The following CDH18 variants were observed in gnomAD, a reference collection of about 807,000 sequenced individuals.
The protein encoded by CDH18 is cadherin-18.
A neutral mutation model predicts 67.9 loss-of-function variants in CDH18; 31 were observed. The observed-to-expected ratio is 0.46, with a 90% confidence interval of 0.34 to 0.62. The LOEUF is 0.62. Ranked by LOEUF, CDH18 falls within the 20% of genes least tolerant of loss-of-function variation. CDH18 has a pLI of 0.01. For synonymous variants in CDH18, 362 were observed against 347.2 expected (o/e 1.04, Z -0.48); for missense variants, 890 against 975.5 (o/e 0.91, Z 1.17).
At chr5:20,029,669 G>A (rs1357321847) in intron 2 of CDH18, among the ~76,000 whole-genome samples, 1 of 152,146 alleles carries the variant, frequency 6.6e-6, no homozygotes, top group African/African-American at 2.4e-5. Context: ...ACAGAATAGT[G>A]AATTTTAAAG....
At chr5:20,154,687 T>C (rs1378759761) in intron 2 of CDH18, among the ~76,000 whole-genome samples, 1 of 152,148 alleles carries the variant, frequency 6.6e-6, no homozygotes, top group Admixed American at 6.5e-5. Context: ...CCAGCTTTTA[T>C]TTCCCCTAAT....
intron 2 of CDH18, among the ~76,000 whole-genome samples, chr5:19,962,914 T>G (rs1198049395): frequency 6.6e-6 from 1 of 152,140 alleles, no homozygotes; most frequent in Non-Finnish European, 1.5e-5. Context: ...GGAAAGACAT[T>G]ATTGAGCTTG....
At chr5:19,568,715 C>T (rs1198333640) in intron 8 of CDH18, among the ~76,000 whole-genome samples, 2 of 148,162 alleles carry the variant, frequency 1.3e-5, no homozygotes, top group African/African-American at 5.3e-5. Context: ...GAATCAGACA[C>T]ACACCAGATA....
intron 1 of CDH18, among the ~76,000 whole-genome samples, chr5:20,462,139 T>C (rs1287228737): frequency 6.6e-6 from 1 of 152,014 alleles, no homozygotes; most frequent in African/African-American, 2.4e-5. Context: ...ATTGAATAAA[T>C]GAATAAAGGA....
intron 10 of CDH18, among the ~76,000 whole-genome samples, chr5:19,516,801 G>C (rs1306868640): frequency 6.6e-6 from 1 of 151,172 alleles, no homozygotes; most frequent in Non-Finnish European, 1.5e-5. Context: ...AAAAAAACAA[G>C]CTCCTGGATT....
intron 1 of CDH18, among the ~76,000 whole-genome samples, chr5:20,445,512 T>C (rs1749935617): frequency 6.6e-6 from 1 of 152,142 alleles, no homozygotes; most frequent in African/African-American, 2.4e-5. Flanking sequence ...AAGACTATTG[T>C]GATAAAAAAC....
At chr5:19,816,172 T>C (rs1435174646) in intron 3 of CDH18, among the ~76,000 whole-genome samples, 5 of 151,896 alleles carry the variant, frequency 3.3e-5, no homozygotes, top group African/African-American at 1.2e-4. Context: ...TATTTTAGCC[T>C]AAACAATATG....
chr5:19,611,180 G>A (rs751222370), intron 6 of CDH18, among the ~76,000 whole-genome samples: 65 of 152,100 alleles, frequency 4.3e-4, no homozygotes, highest in Non-Finnish European at 8.5e-4. Context: ...TGTACCTGCA[G>A]AAATTAGTAT....
At chr5:20,214,341 T>A (rs898229342) in intron 2 of CDH18, among the ~76,000 whole-genome samples, 1 of 151,806 alleles carries the variant, frequency 6.6e-6, no homozygotes, top group Non-Finnish European at 1.5e-5. Context: ...CTAGAAAAAA[T>A]TAATAATTCA....
At chr5:19,828,413 A>G (rs1475258354) in intron 3 of CDH18, among the ~76,000 whole-genome samples, 1 of 150,940 alleles carries the variant, frequency 6.6e-6, no homozygotes, top group Non-Finnish European at 1.5e-5. Context: ...ATACACAACA[A>G]AAACAACAGC....
chr5:20,010,098 T>A (rs952846179), intron 2 of CDH18, among the ~76,000 whole-genome samples: 1 of 128,102 alleles, frequency 7.8e-6, no homozygotes, highest in East Asian at 2.4e-4. Flanking sequence ...GATATTTCCA[T>A]ACATGAATGA....
chr5:19,489,331 T>A (rs1740936822), intron 11 of CDH18, among the ~76,000 whole-genome samples: 1 of 147,132 alleles, frequency 6.8e-6, no homozygotes, highest in Non-Finnish European at 1.5e-5. Flanking sequence ...CACTGCAACC[T>A]CCACCTCCCG....
chr5:19,735,642 G>T (rs573854444), intron 4 of CDH18, among the ~76,000 whole-genome samples: 3 of 151,422 alleles, frequency 2.0e-5, no homozygotes, highest in Non-Finnish European at 2.9e-5. Flanking sequence ...TGATCCTCCC[G>T]CCTCGGCCTC....
intron 2 of CDH18, among the ~76,000 whole-genome samples, chr5:19,962,395 A>AAAAAAAAAAAAAAT (rs58319680): frequency 0.017 from 2,014 of 116,732 alleles, 9 homozygotes; most frequent in Non-Finnish European, 0.026. Context: ...AAAAAAAAAA[A>AAAAAAAAAAAAAAT]AGAAAATTCA....
chr5:19,996,318 A>T (rs879505491), intron 2 of CDH18, among the ~76,000 whole-genome samples: 11 of 152,072 alleles, frequency 7.2e-5, no homozygotes, highest in African/African-American at 2.7e-4. Flanking sequence ...TCAGTAAATT[A>T]TCAGCATTAT....
At chr5:19,874,399 C>T (rs1404288395) in intron 2 of CDH18, among the ~76,000 whole-genome samples, 1 of 152,122 alleles carries the variant, frequency 6.6e-6, no homozygotes, top group Non-Finnish European at 1.5e-5. Flanking sequence ...TAATATCTTC[C>T]ACAACAACTT....
Position 20,187,635 on chromosome 5 carries a change from C to T in CDH18, c.-518+67809G>A, listed in dbSNP as rs999826066. On this transcript the variant is annotated intron_variant, in intron 2 of 14. Coordinates refer to the CDH18 transcript ENST00000507958. ...GATACAAGAAGCATTATCTTGTTTG[C>T]TAATTTTGAGCTATTCTCCAAAAAT... Among the ~76,000 whole-genome samples the T allele has an allele frequency of 1.2e-4, 18 of 151,854 alleles. No individual in the cohort carries two copies. In the South Asian group the frequency reaches 1.7e-3, roughly 14 times the overall value.
upstream of CDH18, among the ~76,000 whole-genome samples, chr5:19,992,510 A>C (rs560815126): frequency 6.6e-6 from 1 of 152,070 alleles, no homozygotes; most frequent in African/African-American, 2.4e-5. Context: ...AGTAGTGCAG[A>C]AAGACTAGAG....
At chr5:19,770,172 T>C (rs1308454001) in intron 3 of CDH18, among the ~76,000 whole-genome samples, 2 of 152,062 alleles carry the variant, frequency 1.3e-5, no homozygotes, top group Admixed American at 6.6e-5. Context: ...TCTCAAAATA[T>C]TACACATATA....
Sources: gnomAD v4.1 joint callset for allele counts (sites outside exome capture counted in the v4.1 genomes callset) on GRCh38, gnomAD v4.1.1 for gene constraint, MANE v1.5 for transcripts, NCBI Gene and HGNC (gene_info 2026-07-23, HGNC 2026-07-21) for gene names.